CPNE4: variants seen among roughly 807,000 people sequenced by gnomAD.
The protein encoded by CPNE4 is copine 4.
CPNE4 carries 25 observed loss-of-function variants against 67.9 expected under a neutral mutation model. That is an observed-to-expected ratio of 0.37 (90% CI 0.27 to 0.51). The LOEUF (loss-of-function observed/expected upper bound fraction) is 0.51. CPNE4 is among the 20% of genes least tolerant of loss of function. The probability of loss-of-function intolerance (pLI) is 0.93; values close to 1 mark genes in which losing one functional copy is unlikely to be tolerated. For synonymous variants in CPNE4, 242 were observed against 244.9 expected, an observed-to-expected ratio of 0.99 and a Z score of 0.11; for missense variants, 464 against 690.8, an observed-to-expected ratio of 0.67 and a Z score of 3.68.
At chr3:132,002,959 G>C (rs530286262) in intron 1 of CPNE4, among the ~76,000 whole-genome samples, 3 of 152,072 alleles carry the variant, frequency 2.0e-5, no homozygotes, top group African/African-American at 7.2e-5. Context: ...CCTGGAACCT[G>C]AGTAGAAATG....
intron 7 of CPNE4, 53 bp from the exon 8 acceptor site, chr3:131,587,635 A>C: frequency 7.8e-7 from 1 of 1,284,342 alleles, no homozygotes; most frequent in East Asian, 2.3e-5. Flanking sequence ...TAGCCACAGC[A>C]GCTGAAGGCA....
At chr3:131,951,369 T>C (rs1019712748) in intron 1 of CPNE4, among the ~76,000 whole-genome samples, 3 of 152,230 alleles carry the variant, frequency 2.0e-5, no homozygotes, top group African/African-American at 7.2e-5. Context: ...AACTCCTTTG[T>C]TATTTTTAAT....
chr3:131,576,633 T>C (rs1937554040), intron 9 of CPNE4, among the ~76,000 whole-genome samples: 1 of 152,120 alleles, frequency 6.6e-6, no homozygotes, highest in South Asian at 2.1e-4. Context: ...AGGCATGTTA[T>C]GCCACAAAGG....
At chr3:132,003,757 T>C (rs760768818) in intron 1 of CPNE4, among the ~76,000 whole-genome samples, 1 of 152,088 alleles carries the variant, frequency 6.6e-6, no homozygotes, top group Non-Finnish European at 1.5e-5. Context: ...GTCTCTCTTC[T>C]CCATCCAAGT....
intron 15 of CPNE4, among the ~76,000 whole-genome samples, chr3:131,535,541 T>C (rs1935090770): frequency 6.6e-6 from 1 of 152,252 alleles, no homozygotes; most frequent in South Asian, 2.1e-4. Flanking sequence ...TGTCTCAAAC[T>C]ATAAAACTAT....
At chr3:131,873,340 AC>A (rs1252452165) in intron 2 of CPNE4, among the ~76,000 whole-genome samples, 19 of 152,108 alleles carry the variant, frequency 1.2e-4, no homozygotes, top group African/African-American at 2.4e-5. Flanking sequence ...TTCTGACTAG[AC>A]CCTGATTGAT....
chr3:131,904,269 G>C (rs1035498529), intron 2 of CPNE4, among the ~76,000 whole-genome samples: 1 of 152,014 alleles, frequency 6.6e-6, no homozygotes, highest in Non-Finnish European at 1.5e-5. Flanking sequence ...CCCCCAGCCC[G>C]TTCCTCCTAT....
At chr3:131,817,401 T>G (rs1403782452) in intron 2 of CPNE4, among the ~76,000 whole-genome samples, 1 of 152,136 alleles carries the variant, frequency 6.6e-6, no homozygotes, top group Non-Finnish European at 1.5e-5. Context: ...ATCTGTTATA[T>G]TCAAGAAACA....
At chr3:131,632,534 T>G (rs1282988307) in intron 7 of CPNE4, among the ~76,000 whole-genome samples, 2 of 152,178 alleles carry the variant, frequency 1.3e-5, no homozygotes, top group Non-Finnish European at 2.9e-5. Context: ...CAATTTTCAG[T>G]CCTCATCTTT....
At chr3:131,892,733 C>G (rs1560551159) in intron 2 of CPNE4, among the ~76,000 whole-genome samples, 1 of 151,972 alleles carries the variant, frequency 6.6e-6, no homozygotes, top group African/African-American at 2.4e-5. Context: ...TTTAGGCAAC[C>G]AAACTTAAGT....
chr3:131,594,477 G>A (rs1938725949), intron 7 of CPNE4, among the ~76,000 whole-genome samples: 1 of 152,070 alleles, frequency 6.6e-6, no homozygotes, highest in African/African-American at 2.4e-5. Flanking sequence ...AAATTGTGTT[G>A]GGAAAACTGG....
intron 7 of CPNE4, among the ~76,000 whole-genome samples, chr3:131,629,343 T>C (rs2079161980): frequency 6.6e-6 from 1 of 152,044 alleles, no homozygotes; most frequent in African/African-American, 2.4e-5. Flanking sequence ...GCTCAGATGA[T>C]TATTGGCATT....
chr3:131,857,124 T>C (rs2086477781), intron 2 of CPNE4, among the ~76,000 whole-genome samples: 1 of 152,038 alleles, frequency 6.6e-6, no homozygotes, highest in Non-Finnish European at 1.5e-5. Flanking sequence ...AGATTAGAAA[T>C]CATGTTCTTC....
intron 2 of CPNE4, among the ~76,000 whole-genome samples, chr3:131,827,652 T>C (rs1471530304): frequency 6.6e-6 from 1 of 152,070 alleles, no homozygotes; most frequent in Non-Finnish European, 1.5e-5. Context: ...TTACTTCCAA[T>C]CTTGGCCCTT....
intron 7 of CPNE4, among the ~76,000 whole-genome samples, chr3:131,640,801 A>G (rs1336190161): frequency 6.6e-6 from 1 of 152,224 alleles, no homozygotes; most frequent in African/African-American, 2.4e-5. Context: ...AAAGCATGGT[A>G]CTAGTATAAA....
At chr3:131,918,278 A>G (rs2070633181) in intron 1 of CPNE4, among the ~76,000 whole-genome samples, 1 of 152,200 alleles carries the variant, frequency 6.6e-6, no homozygotes, top group Non-Finnish European at 1.5e-5. Context: ...GGTTCATTTT[A>G]CAGTTCAGTT....
At chr3:131,907,041 G>A (rs573415626) in intron 1 of CPNE4, among the ~76,000 whole-genome samples, 1 of 152,120 alleles carries the variant, frequency 6.6e-6, no homozygotes, top group Non-Finnish European at 1.5e-5. Context: ...CAAAAAGGGG[G>A]GGAAGGACCT....
intron 1 of CPNE4, among the ~76,000 whole-genome samples, chr3:132,003,921 C>T (rs1317705759): frequency 6.6e-6 from 1 of 152,102 alleles, no homozygotes; most frequent in Non-Finnish European, 1.5e-5. Flanking sequence ...TGGCATTCAT[C>T]AGAAGATGCC....
intron 1 of CPNE4, among the ~76,000 whole-genome samples, chr3:132,013,129 A>G (rs1355402100): frequency 6.6e-6 from 1 of 152,244 alleles, no homozygotes; most frequent in Non-Finnish European, 1.5e-5. Context: ...AGGCTGAGGC[A>G]GGAGAATAAC....
Sources: allele counts gnomAD v4.1 joint callset (sites outside exome capture counted in the v4.1 genomes callset), GRCh38; gene constraint gnomAD v4.1.1; transcripts MANE v1.5; gene names NCBI Gene and HGNC (gene_info 2026-07-23, HGNC 2026-07-21).